Variants in GABBR2 observed in about 807,000 individuals in gnomAD.
GABBR2 encodes G-protein coupled receptor 51.
A neutral mutation model predicts 105.6 loss-of-function variants in GABBR2; 23 were observed. The observed-to-expected ratio is 0.22, with a 90% CI of 0.16 to 0.31. The LOEUF (loss-of-function observed/expected upper bound fraction) is 0.31, where lower values mean the gene tolerates loss of function less well. Ranked by LOEUF, GABBR2 falls within the 10% of genes least tolerant of loss-of-function variation. GABBR2 has a pLI of 1.00. For synonymous variants in GABBR2, 478 were observed against 499.7 expected (o/e 0.96, Z 0.58); for missense variants, 734 against 1,245.5 (o/e 0.59, Z 6.18).
At chr9:98,551,032 C>T (rs555905980) in intron 2 of GABBR2, among the ~76,000 whole-genome samples, 1 of 152,126 alleles carries the variant, frequency 6.6e-6, no homozygotes, top group Non-Finnish European at 1.5e-5. Context: ...AATGACCCAA[C>T]CACCCAATCG....
At chr9:98,484,926 G>T (rs1311299936) in intron 4 of GABBR2, among the ~76,000 whole-genome samples, 1 of 152,190 alleles carries the variant, frequency 6.6e-6, no homozygotes, top group Admixed American at 6.5e-5. Flanking sequence ...CAAGCCCCCT[G>T]CCTCCCTGCC....
chr9:98,616,702 C>T (rs1377761357), intron 1 of GABBR2, among the ~76,000 whole-genome samples: 1 of 148,316 alleles, frequency 6.7e-6, no homozygotes, highest in African/African-American at 2.5e-5. Context: ...GGCAGTAGGC[C>T]AAGAATGCGC....
chr9:98,705,633 T>C (rs1429969477), intron 1 of GABBR2, among the ~76,000 whole-genome samples: 1 of 152,208 alleles, frequency 6.6e-6, no homozygotes, highest in African/African-American at 2.4e-5. Flanking sequence ...AACTAGACCC[T>C]AAACACTCTA....
chr9:98,421,731 T>C (rs1832785525), intron 7 of GABBR2, among the ~76,000 whole-genome samples: 1 of 152,220 alleles, frequency 6.6e-6, no homozygotes, highest in Non-Finnish European at 1.5e-5. Flanking sequence ...CATGGCACCA[T>C]AAATCAAAGG....
intron 1 of GABBR2, among the ~76,000 whole-genome samples, chr9:98,624,626 A>G (rs1482226301): frequency 6.6e-6 from 1 of 152,036 alleles, no homozygotes; most frequent in African/African-American, 2.4e-5. Context: ...AGCTGCTGGT[A>G]GCAGCCAAGG....
chr9:98,495,992 T>A lies in GABBR2; in HGVS notation c.732+421A>T, dbSNP rs183091813. On this transcript the variant is annotated intron_variant, in intron 4 of 18. Coordinates refer to ENST00000259455, the MANE Select transcript of GABBR2 (RefSeq NM_005458.8). ...ACTGGGGAAACTTCTCGTTGACCCT[T>A]TCTGTTCCTAAAGAGAGTGTCACCG... 363 of 176,842 alleles carry A rather than the reference T, an allele frequency of 2.1e-3. 1 individual carries two copies. Among genetic ancestry groups the A allele is most frequent in the African/African-American group, 8.2e-3 (348 of 42,314 alleles). 11.0% of individuals were successfully genotyped at this position (176,842 alleles called of 1,614,324 possible). A position where few individuals can be genotyped will look rare whatever the true frequency, so the allele number is the denominator to read the frequency against.
rs1830287876 is a variant in GABBR2, at chr9:98,290,594, G to A, written c.2816C>T (p.Ser939Leu). The change falls in exon 19 of 19, where the codon TCG becomes TTG. Residue 939 changes from serine (S) to leucine (L), a missense_variant. By Grantham distance (145) the Ser-to-Leu change is moderately radical (BLOSUM62 -2). Transcript: ENST00000259455. ...HVPPSFRVMV[S>L]GL ...CCAGGCCTCCCACCCTTACAGGCCC[G>A]AGACCATGACTCGGAAGGAGGGTGG... is the stretch of plus-strand genomic sequence containing the variant. The A allele has an allele frequency of 2.1e-6, 3 of 1,400,776 alleles. No individual in the cohort carries two copies. The highest frequency in any genetic ancestry group is 2.8e-6 in the Non-Finnish European group (3 of 1,076,884). 86.8% of individuals were successfully genotyped at this position (1,400,776 alleles called of 1,614,324 possible).
At position 98,664,226 on chromosome 9, in the gene GABBR2, C is replaced by T. The variant is rs184398029; in HGVS notation, c.321+44191G>A. Among the ~76,000 whole-genome samples the T allele has an allele frequency of 5.9e-5, 9 of 152,256 alleles. No individual in the cohort carries two copies. In the East Asian group the frequency reaches 1.2e-3, roughly 20 times the overall value. On this transcript the variant is annotated intron_variant, in intron 1 of 18. Coordinates refer to ENST00000259455, the MANE Select transcript of GABBR2 (RefSeq NM_005458.8). ...CCAAAATATTATGTCAAAAACAGTACGGCATCCTGCTGGGGGTGGGAAGAG... is the reference window on the plus strand; with the variant it reads ...CCAAAATATTATGTCAAAAACAGTATGGCATCCTGCTGGGGGTGGGAAGAG...
intron 2 of GABBR2, among the ~76,000 whole-genome samples, chr9:98,562,920 A>G (rs1828696258): frequency 1.3e-5 from 2 of 151,568 alleles, no homozygotes; most frequent in African/African-American, 2.4e-5. Flanking sequence ...AAATACAAAA[A>G]TTAGCCGGGT....
intron 8 of GABBR2, among the ~76,000 whole-genome samples, chr9:98,405,370 T>C (rs1236692164): frequency 2.0e-5 from 3 of 152,228 alleles, no homozygotes; most frequent in East Asian, 3.9e-4. Context: ...CAGTATGCTA[T>C]GAACGCATCT....
rs1450613749 is a variant in GABBR2, at chr9:98,289,911, A to G, written c.*673T>C. The G allele has an allele frequency of 6.6e-6, 1 of 152,560 alleles. No individual in the cohort carries two copies. The highest frequency in any genetic ancestry group is 1.5e-5 in the Non-Finnish European group (1 of 68,064). The allele number at this position is 152,560 out of a possible 1,614,324, so 9.5% of individuals were successfully genotyped here. ...GGGTGTTATTGTGTTAACGTGTGGC[A>G]TTTACCAGAGTAACAAACATCTCAT... On this transcript the variant is annotated 3_prime_UTR_variant, in exon 19 of 19. Coordinates refer to ENST00000259455, the MANE Select transcript of GABBR2 (RefSeq NM_005458.8).
chr9:98,296,158 G>A (rs888336780), intron 17 of GABBR2, among the ~76,000 whole-genome samples: 1 of 152,214 alleles, frequency 6.6e-6, no homozygotes, highest in Non-Finnish European at 1.5e-5. Flanking sequence ...GGCGGAGCCC[G>A]CATGGATGAG....
chr9:98,295,546 A>T (rs1302464105), intron 17 of GABBR2, among the ~76,000 whole-genome samples: 1 of 149,770 alleles, frequency 6.7e-6, no homozygotes, highest in Non-Finnish European at 1.5e-5. Flanking sequence ...TTTTTTTTTG[A>T]GACGGAGTCT....
chr9:98,429,633 C>G (rs1355729941), intron 7 of GABBR2, among the ~76,000 whole-genome samples: 1 of 152,156 alleles, frequency 6.6e-6, no homozygotes, highest in Non-Finnish European at 1.5e-5. Context: ...TTTCCAAGGT[C>G]ACACATCTTG....
chr9:98,353,634 G>T (rs1375777880), intron 13 of GABBR2, among the ~76,000 whole-genome samples: 1 of 152,184 alleles, frequency 6.6e-6, no homozygotes, highest in African/African-American at 2.4e-5. Context: ...AATGGATATT[G>T]TGTTAACAGG....
intron 11 of GABBR2, among the ~76,000 whole-genome samples, chr9:98,382,764 G>T (rs2131483210): frequency 6.6e-6 from 1 of 152,266 alleles, no homozygotes; most frequent in East Asian, 1.9e-4. Context: ...CCTCACCACT[G>T]CCCAGGAAAG....
At chr9:98,314,683 T>A (rs1448817678) in intron 13 of GABBR2, among the ~76,000 whole-genome samples, 1 of 152,130 alleles carries the variant, frequency 6.6e-6, no homozygotes, top group African/African-American at 2.4e-5. Context: ...CCGGGGCTCA[T>A]CTCTCCCCTG....
At position 98,396,012 on chromosome 9, in the gene GABBR2, A is replaced by G. The variant is rs1164023039; in HGVS notation, c.1298-1757T>C. On this transcript the variant is annotated intron_variant, in intron 8 of 18. Transcript: ENST00000259455. The stretch of plus-strand genomic sequence containing the variant: ...AAGACAAGGAGACGGAGGCTCAGAC[A>G]GCTTGTGGCTTTGCCTAGGGCCCCA... Among the ~76,000 whole-genome samples, 3 of 152,154 alleles carry G rather than the reference A, an allele frequency of 2.0e-5. 1 individual carries two copies. In the South Asian group the frequency reaches 6.2e-4, roughly 32 times the overall value.
At chr9:98,447,216 T>C (rs905272091) in intron 7 of GABBR2, among the ~76,000 whole-genome samples, 2 of 140,904 alleles carry the variant, frequency 1.4e-5, no homozygotes, top group Non-Finnish European at 1.5e-5. Flanking sequence ...CGCCCGCCAC[T>C]ACGCCCGGCT....
Sources: allele counts gnomAD v4.1 joint callset (sites outside exome capture counted in the v4.1 genomes callset), GRCh38; gene constraint gnomAD v4.1.1; transcripts MANE v1.5; gene names NCBI Gene and HGNC (gene_info 2026-07-23, HGNC 2026-07-21).